KIAA0513: variants seen among roughly 807,000 people sequenced by gnomAD.
KIAA0513 encodes the protein KIAA0513, also known as uncharacterized protein KIAA0513.
A neutral mutation model predicts 56.5 loss-of-function variants in KIAA0513; 39 were observed. That is an observed-to-expected ratio of 0.69 (90% confidence interval 0.53 to 0.90). KIAA0513 has a LOEUF of 0.90. KIAA0513 is among the 40% of genes least tolerant of loss of function. The pLI, the probability that KIAA0513 is intolerant of heterozygous loss-of-function variation, is 0.00. For synonymous variants in KIAA0513, 268 were observed against 215.6 expected, an observed-to-expected ratio of 1.24 and a Z score of -2.13; for missense variants, 591 against 535.2, an observed-to-expected ratio of 1.10 and a Z score of -1.03.
At chr16:85,077,051 C>G (rs988725125) in intron 5 of KIAA0513, among the ~76,000 whole-genome samples, 26 of 152,180 alleles carry the variant, frequency 1.7e-4, no homozygotes, top group African/African-American at 6.0e-4. Context: ...TGTCTCCACA[C>G]TCCCATTCCA....
rs1337276254 is a variant in KIAA0513 at position 85,089,517 on chromosome 16, C to T, written c.*1192C>T. 1 of 152,538 alleles carries T rather than the reference C, an allele frequency of 6.6e-6. No individual in the cohort carries two copies. Among genetic ancestry groups the T allele is most frequent in the Non-Finnish European group, 1.5e-5 (1 of 68,292 alleles). 9.4% of individuals were successfully genotyped at this position (152,538 alleles called of 1,614,324 possible). A position where few individuals can be genotyped will look rare whatever the true frequency, so the allele number is the denominator to read the frequency against. ...TGGGCCCGGGGCCTGACCCCAACAC[C>T]TGCATGCTGGGTCCAGAGCCTTCTG... On this transcript the variant is annotated 3_prime_UTR_variant, in exon 13 of 13. Coordinates refer to ENST00000683363, the MANE Select transcript of KIAA0513 (RefSeq NM_001388359.1). This position sits in a 1 kb window ranked among gnomAD's most constrained non-coding sequence, Gnocchi z 4.2.
At chr16:85,062,647 ATAAATT>A (rs1337512981) in intron 1 of KIAA0513, among the ~76,000 whole-genome samples, 6 of 152,326 alleles carry the variant, frequency 3.9e-5, no homozygotes, top group African/African-American at 1.4e-4. Context: ...GTGTTTTGAA[ATAAATT>A]TAAATTAGTT....
Position 85,087,102 on chromosome 16 carries a change from A to G in KIAA0513, c.1122A>G (p.Gly374=). The part of the protein sequence containing the change: ...GTFTHNMLAF[G]LNKKLCNDFL... ...TCACGCACAACATGCTGGCCTTTGG[A>G]CTGAACAAGAAGCTGTGCAATGACT... The change falls in exon 12 of 13, where the codon GGA becomes GGG. Residue 374 remains glycine (G), a synonymous_variant. Coordinates refer to ENST00000683363, the MANE Select transcript of KIAA0513 (RefSeq NM_001388359.1). 1 of 1,614,100 alleles carries G rather than the reference A, an allele frequency of 6.2e-7. No homozygotes were observed. The highest frequency in any genetic ancestry group is 8.5e-7 in the Non-Finnish European group (1 of 1,179,994).
chr16:85,080,247 C>T (rs953727540), intron 8 of KIAA0513, among the ~76,000 whole-genome samples: 3 of 152,184 alleles, frequency 2.0e-5, no homozygotes, highest in Non-Finnish European at 4.4e-5. Context: ...CTGTCCTTGA[C>T]TTGGCTGCTG....
chr16:85,055,149 C>T (rs139750372), intron 1 of KIAA0513, among the ~76,000 whole-genome samples: 15 of 152,184 alleles, frequency 9.9e-5, no homozygotes, highest in African/African-American at 3.1e-4. Flanking sequence ...TCTCAAACTC[C>T]TGGACTGAAG....
chr16:85,032,535 G>A (rs1480162368), intron 1 of KIAA0513, among the ~76,000 whole-genome samples: 2 of 152,120 alleles, frequency 1.3e-5, no homozygotes, highest in African/African-American at 4.8e-5. Flanking sequence ...GTTTCGCCAT[G>A]TTGGCCAGGC....
chr16:85,074,082 C>T (rs1183774294), intron 4 of KIAA0513, among the ~76,000 whole-genome samples: 1 of 152,074 alleles, frequency 6.6e-6, no homozygotes, highest in Admixed American at 6.6e-5. Flanking sequence ...TCAAGCAATT[C>T]TCCTGCCTCA....
chr16:85,075,336 C>T (rs866961148), intron 4 of KIAA0513, among the ~76,000 whole-genome samples: 8 of 152,162 alleles, frequency 5.3e-5, no homozygotes, highest in Admixed American at 2.6e-4. Flanking sequence ...AAGAAACCTA[C>T]AAGGCAAAGG....
At chr16:85,051,812 C>G (rs1278715266) in intron 1 of KIAA0513, among the ~76,000 whole-genome samples, 1 of 151,410 alleles carries the variant, frequency 6.6e-6, no homozygotes, top group Non-Finnish European at 1.5e-5. Flanking sequence ...CTCGCCTTTT[C>G]CCTCTCATGT....
intron 6 of KIAA0513, 27 bp from the exon 7 acceptor site, chr16:85,078,388 G>A (rs751939651): frequency 1.2e-6 from 2 of 1,613,656 alleles, no homozygotes; most frequent in African/African-American, 2.7e-5. Flanking sequence ...AGTCGCGTGT[G>A]TCATCATTGT....
At chr16:85,046,746 A>C (rs1240540837) in intron 1 of KIAA0513, among the ~76,000 whole-genome samples, 1 of 152,066 alleles carries the variant, frequency 6.6e-6, no homozygotes, top group Non-Finnish European at 1.5e-5. Flanking sequence ...GGTTTTTACA[A>C]TTTCAGTTAC....
intron 2 of KIAA0513, among the ~76,000 whole-genome samples, chr16:85,070,154 A>G (rs2073551030): frequency 6.7e-6 from 1 of 149,794 alleles, no homozygotes. Context: ...CTGGGTGACA[A>G]AGGGAGACCC....
intron 1 of KIAA0513, among the ~76,000 whole-genome samples, chr16:85,063,894 A>G (rs2073441410): frequency 6.6e-6 from 1 of 152,018 alleles, no homozygotes; most frequent in African/African-American, 2.4e-5. Flanking sequence ...TGACCGAAGA[A>G]TATTCTGTTT....
chr16:85,067,420 G>T lies in KIAA0513; in HGVS notation c.329+20G>T, dbSNP rs780691599. On this transcript the variant is annotated intron_variant, in intron 2 of 12. Transcript: ENST00000683363. ...TGGAGGGTAAGGGGCCTGTGTGGAC[G>T]AGACAGCCTGGTGTGGCCACAGGGC... The T allele has an allele frequency of 1.3e-5, 21 of 1,569,192 alleles. No homozygotes were observed. The South Asian group carries it at 2.4e-4, about 18-fold the overall frequency.
chr16:85,040,642 A>G (rs932810283), intron 1 of KIAA0513, among the ~76,000 whole-genome samples: 2 of 152,212 alleles, frequency 1.3e-5, no homozygotes, highest in Non-Finnish European at 2.9e-5. Context: ...GAGAGGTTCC[A>G]CGCAGGCCCC....
chr16:85,053,950 C>T (rs1018467519), intron 1 of KIAA0513, among the ~76,000 whole-genome samples: 3 of 149,510 alleles, frequency 2.0e-5, no homozygotes, highest in East Asian at 2.0e-4. Context: ...TGAGATCATG[C>T]CACTGCACTC....
intron 1 of KIAA0513, among the ~76,000 whole-genome samples, chr16:85,044,030 CAA>C (rs957345217): frequency 2.6e-5 from 4 of 151,788 alleles, no homozygotes. Flanking sequence ...AACTCAGTCT[CAA>C]GAGAAAAAAA....
chr16:85,078,884 G>T (rs1206160972), intron 7 of KIAA0513, 41 bp from the exon 8 acceptor site: 1 of 1,610,618 alleles, frequency 6.2e-7, no homozygotes, highest in Non-Finnish European at 8.5e-7. Context: ...CAGTGGGTGC[G>T]CAACCAGAGC....
chr16:85,042,444 T>C (rs1481327680), intron 1 of KIAA0513, among the ~76,000 whole-genome samples: 1 of 152,190 alleles, frequency 6.6e-6, no homozygotes, highest in Non-Finnish European at 1.5e-5. Flanking sequence ...GGCAGGGTCC[T>C]TGTCCATACC....
Sources: gnomAD v4.1 joint callset for allele counts (sites outside exome capture counted in the v4.1 genomes callset) on GRCh38, gnomAD v4.1.1 for gene constraint, Gnocchi (gnomAD v3.1) non-coding constraint, MANE v1.5 for transcripts, NCBI Gene and HGNC (gene_info 2026-07-23, HGNC 2026-07-21) for gene names.